The following TCF12 variants were observed in gnomAD, a reference collection of about 807,000 sequenced individuals.
TCF12 encodes transcription factor 12.
Under a neutral mutation model 86.0 loss-of-function variants are expected in TCF12, and 45 were observed. The observed-to-expected ratio is 0.52, with a 90% CI of 0.41 to 0.67. The LOEUF is 0.67. TCF12 is among the 30% of genes least tolerant of loss of function. The pLI, the probability that TCF12 is intolerant of heterozygous loss-of-function variation, is 0.00. For missense variants in TCF12, 881 were observed against 859.9 expected, an observed-to-expected ratio of 1.02 and a Z score of -0.31; for synonymous variants, 330 against 299.6, an observed-to-expected ratio of 1.10 and a Z score of -1.05.
upstream of TCF12, chr15:56,918,558 G>A (rs2059603659): frequency 1.9e-5 from 5 of 268,236 alleles, no homozygotes; most frequent in South Asian, 1.5e-4. Flanking sequence ...CGCCCCCTCT[G>A]CCGGCCCCAC....
chr15:57,197,718 C>A, intron 7 of TCF12, 55 bp from the exon 8 acceptor site: 3 of 1,583,904 alleles, frequency 1.9e-6, no homozygotes, highest in Admixed American at 3.7e-5. Context: ...AATTTGAAGT[C>A]TTGATTTTTT....
At chr15:57,226,652 A>G (rs1276521071) in intron 8 of TCF12, among the ~76,000 whole-genome samples, 2 of 152,104 alleles carry the variant, frequency 1.3e-5, no homozygotes, top group African/African-American at 4.8e-5. Flanking sequence ...CTTTATTCCA[A>G]ATTAGGTGAA....
intron 5 of TCF12, among the ~76,000 whole-genome samples, chr15:57,150,107 C>T (rs137937596): frequency 1.7e-3 from 253 of 152,260 alleles, no homozygotes; most frequent in Non-Finnish European, 2.5e-3. Flanking sequence ...TAATCAAACG[C>T]AGCCTGGCAG....
intron 5 of TCF12, among the ~76,000 whole-genome samples, chr15:57,132,876 G>A (rs1567487512): frequency 6.6e-6 from 1 of 152,138 alleles, no homozygotes; most frequent in Non-Finnish European, 1.5e-5. Context: ...TTATAGCAAT[G>A]TTTGCTGAAA....
At chr15:57,156,830 G>A (rs1376311534) in intron 5 of TCF12, among the ~76,000 whole-genome samples, 3 of 152,170 alleles carry the variant, frequency 2.0e-5, no homozygotes, top group African/African-American at 7.2e-5. Flanking sequence ...AAGATGTGAG[G>A]TAATAATGGG....
chr15:57,002,155 G>A (rs1296240383), intron 3 of TCF12, among the ~76,000 whole-genome samples: 1 of 152,154 alleles, frequency 6.6e-6, no homozygotes, highest in Non-Finnish European at 1.5e-5. Context: ...CTAAAATTAG[G>A]AGTTGTCTCA....
chr15:57,197,125 A>G (rs2057302974), intron 7 of TCF12, among the ~76,000 whole-genome samples: 3 of 143,366 alleles, frequency 2.1e-5, no homozygotes, highest in South Asian at 4.6e-4. Context: ...TAAAGTACCT[A>G]GTATAGTACC....
intron 8 of TCF12, among the ~76,000 whole-genome samples, chr15:57,198,151 T>G (rs1451299223): frequency 6.6e-6 from 1 of 152,224 alleles, no homozygotes; most frequent in Non-Finnish European, 1.5e-5. Flanking sequence ...GTCATTATGT[T>G]GCTGAACAGG....
intron 3 of TCF12, among the ~76,000 whole-genome samples, chr15:57,040,504 A>G (rs2066826312): frequency 6.6e-6 from 1 of 152,214 alleles, no homozygotes; most frequent in African/African-American, 2.4e-5. Flanking sequence ...TGACTTTCTG[A>G]AAAGTTTACT....
chr15:57,082,731 C>G (rs2048391294), intron 4 of TCF12, among the ~76,000 whole-genome samples: 1 of 152,118 alleles, frequency 6.6e-6, no homozygotes. Context: ...TAACATATTT[C>G]TATTCTAGAG....
intron 8 of TCF12, among the ~76,000 whole-genome samples, chr15:57,206,582 CTTTTTTTT>C (rs67531540): frequency 1.9e-4 from 16 of 83,834 alleles, no homozygotes; most frequent in East Asian, 6.4e-4. Flanking sequence ...CTTGTATTCT[CTTTTTTTT>C]TTTTTTTTTT....
At chr15:57,010,765 G>A (rs2141157926) in intron 3 of TCF12, among the ~76,000 whole-genome samples, 1 of 152,316 alleles carries the variant, frequency 6.6e-6, no homozygotes, top group East Asian at 1.9e-4. Context: ...TCTAGTTCTA[G>A]AAAATGTTTG....
At chr15:57,140,510 G>T (rs2052883757) in intron 5 of TCF12, among the ~76,000 whole-genome samples, 1 of 152,210 alleles carries the variant, frequency 6.6e-6, no homozygotes, top group African/African-American at 2.4e-5. Context: ...GCTAAGGACT[G>T]TGGAAACAAA....
chr15:57,083,074 T>TA (rs1163677399), intron 4 of TCF12, among the ~76,000 whole-genome samples: 1 of 152,176 alleles, frequency 6.6e-6, no homozygotes, highest in Non-Finnish European at 1.5e-5. Flanking sequence ...TTTAGAAACA[T>TA]AAAAAGTGAT....
intron 6 of TCF12, among the ~76,000 whole-genome samples, chr15:57,170,090 C>T (rs1225721763): frequency 2.6e-5 from 4 of 152,132 alleles, no homozygotes; most frequent in African/African-American, 9.7e-5. Flanking sequence ...GATTAGTAAA[C>T]AGAGGTTCTC....
intron 3 of TCF12, among the ~76,000 whole-genome samples, chr15:56,933,092 G>T (rs1159913667): frequency 6.6e-6 from 1 of 152,152 alleles, no homozygotes; most frequent in African/African-American, 2.4e-5. Flanking sequence ...CTACCATTTA[G>T]TTGAGGTCAG....
chr15:57,162,845 A>C (rs1446316574), intron 5 of TCF12, among the ~76,000 whole-genome samples: 1 of 151,850 alleles, frequency 6.6e-6, no homozygotes, highest in East Asian at 1.9e-4. Context: ...TTTTTTAAAG[A>C]GTTCTTACTA....
At chr15:57,219,048 A>T in intron 8 of TCF12, 2 of 1,050,354 alleles carry the variant, frequency 1.9e-6, no homozygotes, top group South Asian at 4.6e-5. Context: ...ACTTTAGACC[A>T]TGGCAGATGG....
intron 18 of TCF12, among the ~76,000 whole-genome samples, chr15:57,268,326 A>G (rs939917273): frequency 6.6e-6 from 1 of 152,228 alleles, no homozygotes; most frequent in Admixed American, 6.5e-5. Flanking sequence ...GACTTTTTGA[A>G]GTCAAAGAAC....
Sources: allele counts gnomAD v4.1 joint callset (sites outside exome capture counted in the v4.1 genomes callset), GRCh38; gene constraint gnomAD v4.1.1; transcripts MANE v1.5; gene names NCBI Gene and HGNC (gene_info 2026-07-23, HGNC 2026-07-21).